Variants in CUL4A observed in about 807,000 individuals in gnomAD.
CUL4A encodes the protein cullin 4A.
CUL4A carries 16 observed loss-of-function variants against 95.5 expected under a neutral mutation model. That is an observed-to-expected ratio of 0.17 (90% CI 0.11 to 0.25). The LOEUF (loss-of-function observed/expected upper bound fraction) is 0.25. Ranked by LOEUF, CUL4A falls within the 10% of genes least tolerant of loss-of-function variation. The pLI is 1.00. For missense variants in CUL4A, 610 were observed against 937.0 expected (o/e 0.65, Z 4.56); for synonymous variants, 380 against 353.1 (o/e 1.08, Z -0.85).
chr13:113,252,011 G>A (rs938934095), intron 15 of CUL4A, among the ~76,000 whole-genome samples: 1 of 152,100 alleles, frequency 6.6e-6, no homozygotes, highest in African/African-American at 2.4e-5. Flanking sequence ...GAGATCCCGG[G>A]TGCAGTGGAC....
intron 9 of CUL4A, among the ~76,000 whole-genome samples, chr13:113,237,280 T>C (rs182237578): frequency 1.3e-5 from 2 of 152,332 alleles, no homozygotes; most frequent in East Asian, 3.9e-4. Context: ...GCTGTTAGAT[T>C]TTCGTGAGGC....
At chr13:113,242,803 CTTAATTT>C (rs1356948940) in intron 10 of CUL4A, among the ~76,000 whole-genome samples, 158 bp from the exon 11 acceptor site, 1 of 152,180 alleles carries the variant, frequency 6.6e-6, no homozygotes, top group Non-Finnish European at 1.5e-5. Context: ...AGTGTATTCA[CTTAATTT>C]TTGAAATGTG....
chr13:113,213,167 C>G (rs1235194081), intron 2 of CUL4A, among the ~76,000 whole-genome samples: 1 of 152,072 alleles, frequency 6.6e-6, no homozygotes, highest in African/African-American at 2.4e-5. Flanking sequence ...GTGGCCTGAT[C>G]GCTTGAGCCC....
Position 113,233,171 on chromosome 13 carries a change from A to G in CUL4A, c.513-6A>G, listed in dbSNP as rs1355932876. ...AATGTAGTCCTGTTTCTTACTGTCT[A>G]TACAGGGATATGGGATTAGAACTGT... On this transcript the variant is annotated splice_region_variant and splice_polypyrimidine_tract_variant and intron_variant, in intron 5 of 19. Transcript: ENST00000375440. 3 of 1,613,502 alleles carry G rather than the reference A, an allele frequency of 1.9e-6. No homozygotes were observed. In the African/African-American group the frequency reaches 4.0e-5, roughly 22 times the overall value.
intron 2 of CUL4A, among the ~76,000 whole-genome samples, chr13:113,215,595 G>A (rs1333133242): frequency 1.3e-5 from 2 of 151,236 alleles, no homozygotes; most frequent in African/African-American, 2.4e-5. Context: ...GCGTGACTGT[G>A]GAGGTCACGT....
chr13:113,211,381 T>C (rs72665217), intron 2 of CUL4A, among the ~76,000 whole-genome samples: 1 of 152,066 alleles, frequency 6.6e-6, no homozygotes, highest in Non-Finnish European at 1.5e-5. Context: ...ATGTTTGGGG[T>C]TTTTTGTTTG....
intron 11 of CUL4A, 142 bp downstream of exon 11, chr13:113,243,302 TCAAGTCTTATTAG>T (rs2041771542): frequency 9.8e-6 from 7 of 714,992 alleles, no homozygotes; most frequent in Non-Finnish European, 1.5e-5. Context: ...AGCGTTTTTA[TCAAGTCTTATTAG>T]GACACAAATT....
chr13:113,225,712 C>T (rs753864265), intron 3 of CUL4A, among the ~76,000 whole-genome samples: 1 of 152,224 alleles, frequency 6.6e-6, no homozygotes, highest in African/African-American at 2.4e-5. Context: ...CCGCAGTTCC[C>T]GTCCAGCTCC....
At chr13:113,224,148 C>T (rs1046173066) in intron 3 of CUL4A, among the ~76,000 whole-genome samples, 5 of 152,138 alleles carry the variant, frequency 3.3e-5, no homozygotes, top group Admixed American at 1.3e-4. Context: ...GTCAGGAGAT[C>T]GAGACCATCC....
chr13:113,256,913 C>CTTTTTTTTTTCTTTTTTTTTTT (rs1566372467), intron 18 of CUL4A, among the ~76,000 whole-genome samples: 1 of 77,886 alleles, frequency 1.3e-5, no homozygotes, highest in Non-Finnish European at 2.4e-5. Flanking sequence ...TGCTTTGTCC[C>CTTTTTTTTTTCTTTTTTTTTTT]TTTTTTTTTT....
chr13:113,231,100 T>C (rs1356569111), intron 5 of CUL4A, among the ~76,000 whole-genome samples: 2 of 152,178 alleles, frequency 1.3e-5, no homozygotes, highest in Non-Finnish European at 1.5e-5. Flanking sequence ...AAACATAGTT[T>C]ATACCATAAC....
chr13:113,238,969 G>C (rs774320268), intron 9 of CUL4A, among the ~76,000 whole-genome samples: 26 of 152,322 alleles, frequency 1.7e-4, no homozygotes, highest in Non-Finnish European at 2.9e-4. Flanking sequence ...TTTAAATGCT[G>C]TGTTAAACAC....
chr13:113,238,442 A>G lies in CUL4A; in HGVS notation c.917-991A>G, dbSNP rs78075935. ...AGCAAGAGACCTGTCTCAAAAAAAA[A>G]AGAGAAAAAAGATTTCAAGTAAATA... is the stretch of plus-strand genomic sequence containing the variant. On this transcript the variant is annotated intron_variant, in intron 9 of 19. Transcript: ENST00000375440. 5.1e-3 allele frequency among the ~76,000 whole-genome samples: 775 copies of G among 152,234 alleles called. 23 individuals are homozygous for G. In the East Asian group the frequency reaches 0.088, roughly 17 times the overall value.
chr13:113,254,877 G>A (rs2042082330), intron 17 of CUL4A, 76 bp from the exon 18 acceptor site: 4 of 1,592,500 alleles, frequency 2.5e-6, no homozygotes, highest in South Asian at 1.1e-5. Context: ...CATAGACTTG[G>A]TAGCATGATT....
chr13:113,232,864 C>T (rs1226085787), intron 5 of CUL4A, among the ~76,000 whole-genome samples: 1 of 152,078 alleles, frequency 6.6e-6, no homozygotes, highest in Non-Finnish European at 1.5e-5. Context: ...TGTCTCCCGT[C>T]GCTCAGCAGG....
intron 5 of CUL4A, among the ~76,000 whole-genome samples, chr13:113,231,799 C>T (rs918492190): frequency 1.3e-5 from 2 of 152,146 alleles, no homozygotes; most frequent in African/African-American, 4.8e-5. Flanking sequence ...GTGAAGTGCA[C>T]AGAAGACCTG....
intron 18 of CUL4A, among the ~76,000 whole-genome samples, chr13:113,255,733 G>A (rs1441536644): frequency 6.6e-6 from 1 of 152,136 alleles, no homozygotes; most frequent in East Asian, 1.9e-4. Flanking sequence ...TTTCATGACT[G>A]GGTAACTCTG....
intron 2 of CUL4A, among the ~76,000 whole-genome samples, chr13:113,215,833 C>A (rs1328502927): frequency 2.8e-5 from 3 of 105,814 alleles, no homozygotes; most frequent in Non-Finnish European, 6.4e-5. Context: ...TCCCATGTGG[C>A]TGTGGAGGTC....
chr13:113,246,953 G>A (rs564070306), intron 15 of CUL4A, among the ~76,000 whole-genome samples: 1 of 152,274 alleles, frequency 6.6e-6, no homozygotes, highest in East Asian at 1.9e-4. Flanking sequence ...TGGGTAATTT[G>A]TAAAGAAAAG....
Sources: gnomAD v4.1 joint callset for allele counts (sites outside exome capture counted in the v4.1 genomes callset) on GRCh38, gnomAD v4.1.1 for gene constraint, MANE v1.5 for transcripts, NCBI Gene and HGNC (gene_info 2026-07-23, HGNC 2026-07-21) for gene names.